Variants in SFXN4 observed in about 807,000 individuals in gnomAD.
SFXN4 encodes sideroflexin-4.
Under a neutral mutation model 54.6 loss-of-function variants are expected in SFXN4, and 48 were observed. The observed-to-expected ratio is 0.88, with a 90% CI of 0.70 to 1.12. SFXN4 has a LOEUF of 1.12. Ranked by LOEUF, SFXN4 falls within the 50% of genes most tolerant of loss-of-function variation. The pLI is 0.00. For missense variants in SFXN4, 383 were observed against 409.2 expected (o/e 0.94, Z 0.55); for synonymous variants, 130 against 145.5 (o/e 0.89, Z 0.77).
chr10:119,154,007 A>G (rs1400391200), intron 11 of SFXN4, among the ~76,000 whole-genome samples: 1 of 151,558 alleles, frequency 6.6e-6, no homozygotes, highest in East Asian at 1.9e-4. Flanking sequence ...GTGAAACCCC[A>G]CCTCTACTAA....
chr10:119,162,863 A>G (rs1200875262), intron 2 of SFXN4, among the ~76,000 whole-genome samples: 3 of 151,800 alleles, frequency 2.0e-5, no homozygotes, highest in African/African-American at 7.3e-5. Flanking sequence ...TGGTGTGATC[A>G]TAGCTCACTG....
chr10:119,153,070 G>C (rs921671220), intron 11 of SFXN4, among the ~76,000 whole-genome samples: 2 of 152,080 alleles, frequency 1.3e-5, no homozygotes, highest in African/African-American at 4.8e-5. Context: ...ACTATACCAG[G>C]TTCTCACGGC....
chr10:119,151,331 T>C (rs1218206948), intron 11 of SFXN4, among the ~76,000 whole-genome samples: 1 of 142,634 alleles, frequency 7.0e-6, no homozygotes, highest in East Asian at 2.2e-4. Flanking sequence ...ATCGCACCAT[T>C]GCACTCCAGC....
At chr10:119,144,320 G>A (rs1306664117) in intron 13 of SFXN4, among the ~76,000 whole-genome samples, 2 of 152,110 alleles carry the variant, frequency 1.3e-5, no homozygotes, top group Non-Finnish European at 2.9e-5. Context: ...AGCTGGGTGT[G>A]GTGGCGGGCG....
intron 5 of SFXN4, 43 bp downstream of exon 5, chr10:119,160,872 C>T (rs1315136142): frequency 1.2e-6 from 2 of 1,602,676 alleles, no homozygotes; most frequent in Admixed American, 1.7e-5. Flanking sequence ...GTGTTAGAAA[C>T]TACATCTTCC....
chr10:119,160,588 CTTTTTTTTT>C (rs1199404439), intron 5 of SFXN4, among the ~76,000 whole-genome samples: 2 of 116,420 alleles, frequency 1.7e-5, no homozygotes, highest in African/African-American at 3.3e-5. Flanking sequence ...GTTTTCTTTT[CTTTTTTTTT>C]TTTTTTTTGG....
chr10:119,155,231 G>T, intron 10 of SFXN4, 54 bp from the exon 11 acceptor site: 1 of 1,228,788 alleles, frequency 8.1e-7, no homozygotes, highest in Non-Finnish European at 1.2e-6. Flanking sequence ...TCTTGTTCCA[G>T]CAAAGGAACA....
chr10:119,160,742 C>T (rs536309936), intron 5 of SFXN4, among the ~76,000 whole-genome samples, 173 bp downstream of exon 5: 6 of 151,972 alleles, frequency 3.9e-5, no homozygotes, highest in South Asian at 4.2e-4. Flanking sequence ...ACTACAGGCA[C>T]GTGCCACCAC....
chr10:119,143,348 T>C (rs1846637126), intron 13 of SFXN4, among the ~76,000 whole-genome samples: 1 of 151,110 alleles, frequency 6.6e-6, no homozygotes, highest in Non-Finnish European at 1.5e-5. Flanking sequence ...GGACTGCAGG[T>C]GTGTGCCGCT....
intron 13 of SFXN4, 93 bp downstream of exon 13, chr10:119,146,142 TA>T: frequency 1.3e-6 from 1 of 747,322 alleles, no homozygotes; most frequent in Non-Finnish European, 2.3e-6. Flanking sequence ...TATATTTTTA[TA>T]AACTTTGCAG....
intron 2 of SFXN4, among the ~76,000 whole-genome samples, chr10:119,163,233 C>CTT (rs35998023): frequency 3.4e-5 from 5 of 146,608 alleles, no homozygotes; most frequent in East Asian, 4.2e-4. Context: ...TTTCTTTCTT[C>CTT]TTTTTTTTTT....
intron 2 of SFXN4, among the ~76,000 whole-genome samples, chr10:119,162,832 G>A (rs558367341): frequency 6.6e-6 from 1 of 152,114 alleles, no homozygotes; most frequent in Non-Finnish European, 1.5e-5. Context: ...GTCTCACTCT[G>A]TTGCCCAGGC....
In SFXN4 at chr10:119,141,004, T is replaced by C; in HGVS notation, c.*238A>G. The C allele has an allele frequency of 4.7e-6, 2 of 425,382 alleles. No homozygotes were observed. Among genetic ancestry groups the C allele is most frequent in the Non-Finnish European group, 8.4e-6 (2 of 237,618 alleles). 26.4% of individuals were successfully genotyped at this position (425,382 alleles called of 1,614,324 possible). A position where few individuals can be genotyped will look rare whatever the true frequency, so the allele number is the denominator to read the frequency against. On this transcript the variant is annotated 3_prime_UTR_variant, in exon 14 of 14. Transcript: ENST00000355697. ...CGCAGGCCGATCCCCACTCCAACCG[T>C]TCCCTCAGCAACCCCAGGGGTGTCA...
intron 11 of SFXN4, among the ~76,000 whole-genome samples, chr10:119,152,770 C>T (rs574410042): frequency 5.9e-5 from 9 of 151,914 alleles, no homozygotes; most frequent in African/African-American, 1.5e-4. Context: ...TGAATAATGA[C>T]GTATTTACCG....
chr10:119,162,421 T>A lies in SFXN4; in HGVS notation c.178-7A>T. On this transcript the variant is annotated splice_region_variant and splice_polypyrimidine_tract_variant and intron_variant, in intron 2 of 13. Transcript: ENST00000355697. Reference sequence around the variant, plus strand: ...TCGAGTTTTCTATACTTTCCTAAAATCAGATATCAAGTAATCAAGTAATGA... The same window carrying A: ...TCGAGTTTTCTATACTTTCCTAAAAACAGATATCAAGTAATCAAGTAATGA... 6.2e-7 allele frequency: 1 copy of A among 1,609,812 alleles called. No individual in the cohort carries two copies. The highest frequency in any genetic ancestry group is 1.1e-5 in the South Asian group (1 of 91,002).
At chr10:119,165,324 G>T in intron 1 of SFXN4, 1 of 1,283,214 alleles carries the variant, frequency 7.8e-7, no homozygotes, top group Non-Finnish European at 9.9e-7. Context: ...CGTTGTGGTC[G>T]TGGGCATCTG....
intron 11 of SFXN4, among the ~76,000 whole-genome samples, chr10:119,152,615 ATTATT>A (rs1262258020): frequency 6.6e-6 from 1 of 152,000 alleles, no homozygotes; most frequent in Non-Finnish European, 1.5e-5. Flanking sequence ...GTTACTTATA[ATTATT>A]TTATCTCTGT....
At chr10:119,147,403 A>G (rs1846862085) in intron 12 of SFXN4, among the ~76,000 whole-genome samples, 2 of 152,190 alleles carry the variant, frequency 1.3e-5, no homozygotes, top group South Asian at 4.1e-4. Context: ...CTCATTTAAA[A>G]CATACTTGGA....
At position 119,159,720 on chromosome 10, in the gene SFXN4, T is replaced by C; in HGVS notation, c.360+8A>G. 6.2e-7 allele frequency: 1 copy of C among 1,613,918 alleles called. No homozygotes were observed. Among genetic ancestry groups the C allele is most frequent in the Non-Finnish European group, 8.5e-7 (1 of 1,179,934 alleles). ...TAGTCTCCTAACGGCAAATGTCTGC[T>C]TGCTCACCGTGGGTGCCATGAAAGG... is the stretch of plus-strand genomic sequence containing the variant. On this transcript the variant is annotated splice_region_variant and intron_variant, in intron 6 of 13. Transcript: ENST00000355697.
Sources: gnomAD v4.1 joint callset for allele counts (sites outside exome capture counted in the v4.1 genomes callset) on GRCh38, gnomAD v4.1.1 for gene constraint, MANE v1.5 for transcripts, NCBI Gene and HGNC (gene_info 2026-07-23, HGNC 2026-07-21) for gene names.